Variants in NINL observed in about 807,000 individuals in gnomAD.
NINL encodes ninein like.
NINL carries 153 observed loss-of-function variants against 160.3 expected under a neutral mutation model. The ratio of observed to expected loss-of-function variants is 0.95; its 90% CI spans 0.84 to 1.09. NINL has a LOEUF of 1.09. Among genes scored for constraint, NINL ranks in the 50% least tolerant of loss-of-function variants. The probability of loss-of-function intolerance (pLI) is 0.00; values close to 1 mark genes in which losing one functional copy is unlikely to be tolerated. For synonymous variants in NINL, 800 were observed against 734.8 expected, an observed-to-expected ratio of 1.09 and a Z score of -1.43; for missense variants, 1,829 against 1,764.0, an observed-to-expected ratio of 1.04 and a Z score of -0.66.
chr20:25,538,583 A>G (rs1013556518), intron 1 of NINL, among the ~76,000 whole-genome samples: 1 of 152,182 alleles, frequency 6.6e-6, no homozygotes, highest in African/African-American at 2.4e-5. Flanking sequence ...CTGGCCAACC[A>G]TGGCATGGCC....
chr20:25,460,889 A>C (rs1011898771), intron 21 of NINL, among the ~76,000 whole-genome samples: 1 of 151,988 alleles, frequency 6.6e-6, no homozygotes, highest in African/African-American at 2.4e-5. Flanking sequence ...ACCTGTGTCC[A>C]CACTGGGCAC....
intron 7 of NINL, among the ~76,000 whole-genome samples, chr20:25,502,512 G>C (rs914299464): frequency 1.3e-5 from 2 of 152,190 alleles, no homozygotes; most frequent in African/African-American, 4.8e-5. Flanking sequence ...ACCAATCTTA[G>C]ACAGACTCGA....
chr20:25,562,232 C>T (rs1338996599), intron 1 of NINL, among the ~76,000 whole-genome samples: 4 of 128,132 alleles, frequency 3.1e-5, no homozygotes, highest in African/African-American at 1.2e-4. Context: ...CGCCTCTGCC[C>T]GGCCGCCCCT....
intron 22 of NINL, among the ~76,000 whole-genome samples, chr20:25,457,201 G>A (rs1341039513): frequency 6.6e-6 from 1 of 152,138 alleles, no homozygotes; most frequent in African/African-American, 2.4e-5. Flanking sequence ...ATGCGTGCCT[G>A]TAGTCCCAGC....
chr20:25,470,456 G>A (rs927011364), intron 17 of NINL, among the ~76,000 whole-genome samples: 25 of 152,246 alleles, frequency 1.6e-4, no homozygotes, highest in African/African-American at 5.1e-4. Context: ...GAGTCCTCAG[G>A]TACTGCAGGG....
At chr20:25,559,242 C>T (rs1484682610) in intron 1 of NINL, among the ~76,000 whole-genome samples, 1 of 152,014 alleles carries the variant, frequency 6.6e-6, no homozygotes, top group Non-Finnish European at 1.5e-5. Flanking sequence ...CAGAGGAAGG[C>T]CTTTTTCTTT....
chr20:25,453,460 G>A lies in NINL; in HGVS notation c.4140C>T (p.Leu1380=). 1 of 1,606,782 alleles carries A rather than the reference G, an allele frequency of 6.2e-7. No individual in the cohort carries two copies. Among genetic ancestry groups the A allele is most frequent in the Non-Finnish European group, 8.5e-7 (1 of 1,176,732 alleles). ...AGAAAATAATCTGTCTTTACACAGA[G>A]AGGGCTGCGGGGGCAATCCTACTGA... The part of the protein sequence containing the change: ...KLVSRIAPAA[L]SV The change falls in exon 24 of 24, where the codon CTC becomes CTT. Residue 1380 remains leucine, a synonymous_variant. Transcript: ENST00000278886.
chr20:25,555,273 C>T (rs1326742905), intron 1 of NINL, among the ~76,000 whole-genome samples: 1 of 152,164 alleles, frequency 6.6e-6, no homozygotes, highest in Non-Finnish European at 1.5e-5. Flanking sequence ...CCGTAACGTA[C>T]AGACAGGCCC....
At position 25,462,422 on chromosome 20, in the gene NINL, T is replaced by C. The variant is rs749059210; in HGVS notation, c.3543A>G (p.Thr1181=). The change falls in exon 20 of 24, where the codon ACA becomes ACG. Residue 1181 remains threonine, a synonymous_variant. Transcript: ENST00000278886. ...TGCGAACCACCTCCTCCAGGCTCTG[T>C]GTTAACATCTGAATGGTCACACGAT... ...EEHRVTIQML[T]QSLEEVVRSG... The C allele has an allele frequency of 1.2e-6, 2 of 1,614,138 alleles. No individual in the cohort carries two copies. The highest frequency in any genetic ancestry group is 8.5e-7 in the Non-Finnish European group (1 of 1,180,030).
At chr20:25,522,669 G>A in intron 2 of NINL, among the ~76,000 whole-genome samples, 1 of 152,196 alleles carries the variant, frequency 6.6e-6, no homozygotes. Context: ...TGTGTTGTTG[G>A]TAATAATTGC....
intron 1 of NINL, among the ~76,000 whole-genome samples, chr20:25,560,370 A>T (rs1319941537): frequency 6.6e-6 from 1 of 152,170 alleles, no homozygotes; most frequent in Non-Finnish European, 1.5e-5. Context: ...TTCATTTCCA[A>T]CTTCCTACGT....
intron 2 of NINL, among the ~76,000 whole-genome samples, chr20:25,518,071 C>T (rs943440942): frequency 1.3e-5 from 2 of 152,192 alleles, no homozygotes; most frequent in Non-Finnish European, 2.9e-5. Context: ...TAAACACTAT[C>T]AACAATTTTG....
chr20:25,544,530 C>T (rs2064709752), intron 1 of NINL, among the ~76,000 whole-genome samples: 1 of 152,170 alleles, frequency 6.6e-6, no homozygotes, highest in Non-Finnish European at 1.5e-5. Flanking sequence ...CTTAGGAGAA[C>T]AGGAAGTGGA....
At chr20:25,500,633 T>C (rs917120389) in intron 8 of NINL, among the ~76,000 whole-genome samples, 2 of 152,246 alleles carry the variant, frequency 1.3e-5, no homozygotes, top group Non-Finnish European at 1.5e-5. Flanking sequence ...GTTTTATTTC[T>C]TATCTTTTTA....
intron 21 of NINL, among the ~76,000 whole-genome samples, chr20:25,461,046 G>A (rs774777001): frequency 6.6e-6 from 1 of 152,076 alleles, no homozygotes; most frequent in South Asian, 2.1e-4. Flanking sequence ...CCCGGACCAC[G>A]AGCCCCTGCC....
intron 2 of NINL, among the ~76,000 whole-genome samples, chr20:25,520,262 G>C (rs2064239551): frequency 1.3e-5 from 2 of 152,148 alleles, no homozygotes; most frequent in South Asian, 4.1e-4. Flanking sequence ...AAGTCACACA[G>C]AAAGAAATCA....
At chr20:25,512,487 T>C (rs1000712042) in intron 4 of NINL, among the ~76,000 whole-genome samples, 4 of 152,298 alleles carry the variant, frequency 2.6e-5, no homozygotes, top group African/African-American at 9.6e-5. Flanking sequence ...TGCTCTCTAT[T>C]CCTCCTTCTC....
chr20:25,457,052 G>A lies in NINL; in HGVS notation c.3844-1266C>T, dbSNP rs189619393. 1.3e-3 allele frequency among the ~76,000 whole-genome samples: 191 copies of A among 152,242 alleles called. 2 individuals are homozygous for A. Among genetic ancestry groups the A allele is most frequent in the East Asian group, 3.5e-3 (18 of 5,180 alleles). On this transcript the variant is annotated intron_variant, in intron 22 of 23. Transcript: ENST00000278886. ...AAAATGTTCTGGCCCAGGGCCGGGC[G>A]CAGTGGCTCACACCTATAATCCCAG...
At chr20:25,497,646 G>C (rs1356562501) in intron 9 of NINL, among the ~76,000 whole-genome samples, 1 of 152,266 alleles carries the variant, frequency 6.6e-6, no homozygotes, top group East Asian at 1.9e-4. Flanking sequence ...CAATTAAAAG[G>C]GAATGGGTTC....
Sources: gnomAD v4.1 joint callset for allele counts (sites outside exome capture counted in the v4.1 genomes callset) on GRCh38, gnomAD v4.1.1 for gene constraint, MANE v1.5 for transcripts, NCBI Gene and HGNC (gene_info 2026-07-23, HGNC 2026-07-21) for gene names.